Variants in INSC observed in about 807,000 individuals in gnomAD.
INSC encodes the protein protein inscuteable homolog.
INSC carries 67 observed loss-of-function variants against 58.6 expected under a neutral mutation model. That is an observed-to-expected ratio of 1.14 (90% confidence interval 0.94 to 1.40). The LOEUF (loss-of-function observed/expected upper bound fraction) is 1.40, where lower values mean the gene tolerates loss of function less well. Ranked by LOEUF, INSC falls within the 40% of genes most tolerant of loss-of-function variation. INSC has a pLI of 0.00. For synonymous variants in INSC, 262 were observed against 276.1 expected (o/e 0.95, Z 0.51); for missense variants, 714 against 692.0 (o/e 1.03, Z -0.36).
At chr11:15,171,258 C>T (rs1471594598) in intron 2 of INSC, among the ~76,000 whole-genome samples, 1 of 152,124 alleles carries the variant, frequency 6.6e-6, no homozygotes, top group Non-Finnish European at 1.5e-5. Flanking sequence ...ACACAGGTTT[C>T]CTTTGAGCCA....
chr11:15,208,735 T>G lies in INSC; in HGVS notation c.819+7786T>G, dbSNP rs539839805. ...CTGCCAGGCAGTCCAGGTGCCTAAG[T>G]GCAGCAGTGGGTTTGCAGGAGCAGG... On this transcript the variant is annotated intron_variant, in intron 7 of 12. Transcript: ENST00000379556. 3.3e-5 allele frequency among the ~76,000 whole-genome samples: 5 copies of G among 152,304 alleles called. No homozygotes were observed. The East Asian group carries it at 9.7e-4, about 30-fold the overall frequency.
At chr11:15,132,326 C>A (rs1848143883) in intron 1 of INSC, among the ~76,000 whole-genome samples, 1 of 152,018 alleles carries the variant, frequency 6.6e-6, no homozygotes, top group Non-Finnish European at 1.5e-5. Context: ...TGCTCTGTTG[C>A]CCAAGCTGGG....
intron 1 of INSC, among the ~76,000 whole-genome samples, chr11:15,133,795 G>T (rs1220333016): frequency 6.6e-6 from 1 of 152,118 alleles, no homozygotes; most frequent in Non-Finnish European, 1.5e-5. Flanking sequence ...GGCCTCTCCA[G>T]ATTTCTTACA....
intron 10 of INSC, 69 bp downstream of exon 10, chr11:15,235,737 G>T: frequency 1.5e-6 from 2 of 1,297,234 alleles, no homozygotes; most frequent in South Asian, 1.2e-5. Context: ...CTTTGTGCTT[G>T]TGTGAATGCC....
rs529146553 is a variant in INSC at position 15,125,262 on chromosome 11, A to G, written c.-46+10259A>G. Among the ~76,000 whole-genome samples the G allele has an allele frequency of 7.2e-5, 11 of 152,292 alleles. No individual in the cohort carries two copies. In the South Asian group the frequency reaches 1.5e-3, roughly 20 times the overall value. On this transcript the variant is annotated intron_variant, in intron 1 of 12. Coordinates refer to ENST00000379556, the MANE Select transcript of INSC (RefSeq NM_001042536.3). Reference sequence around the variant, plus strand: ...TGCTTGAGAAAGAGCCTGCCGGTCCATGTGATTGGAGTTAAGTGAGGGATG... The same window carrying G: ...TGCTTGAGAAAGAGCCTGCCGGTCCGTGTGATTGGAGTTAAGTGAGGGATG...
chr11:15,261,052 A>G, the INSC span, among the ~76,000 whole-genome samples: 115,409 of 152,094 alleles, frequency 0.76, 43,916 homozygotes, highest in Middle Eastern at 0.84. Flanking sequence ...TTCTTGCATG[A>G]CTTTGTTAGT....
chr11:15,123,531 A>G (rs185480036), intron 1 of INSC, among the ~76,000 whole-genome samples: 1 of 152,288 alleles, frequency 6.6e-6, no homozygotes, highest in East Asian at 1.9e-4. Flanking sequence ...ATGATCATTC[A>G]TTTTGGGACA....
At chr11:15,221,748 C>T (rs965203516) in intron 8 of INSC, 100 bp downstream of exon 8, 1 of 1,041,142 alleles carries the variant, frequency 9.6e-7, no homozygotes. Flanking sequence ...ACTCATTGCA[C>T]CCCAAATATC....
the INSC span, among the ~76,000 whole-genome samples, chr11:15,268,451 A>T: frequency 6.6e-6 from 1 of 152,116 alleles, no homozygotes; most frequent in South Asian, 2.1e-4. Context: ...AATAGATATG[A>T]TTCTCGATCA....
intron 8 of INSC, among the ~76,000 whole-genome samples, chr11:15,224,820 G>T (rs1405888022): frequency 1.3e-5 from 2 of 152,196 alleles, no homozygotes; most frequent in African/African-American, 4.8e-5. Context: ...GATGGTAAAT[G>T]GGGGAATTTG....
At chr11:15,115,833 G>T (rs529661879) in intron 1 of INSC, among the ~76,000 whole-genome samples, 2 of 152,306 alleles carry the variant, frequency 1.3e-5, no homozygotes, top group African/African-American at 4.8e-5. Context: ...TGTGGACAAC[G>T]ACATGTATGC....
intron 7 of INSC, among the ~76,000 whole-genome samples, chr11:15,212,837 C>T (rs1194641764): frequency 2.0e-5 from 3 of 152,110 alleles, no homozygotes; most frequent in Admixed American, 2.0e-4. Flanking sequence ...CATATCTTGT[C>T]TGATTGCATT....
chr11:15,184,708 T>C (rs1455454073), intron 5 of INSC, among the ~76,000 whole-genome samples: 1 of 152,210 alleles, frequency 6.6e-6, no homozygotes, highest in African/African-American at 2.4e-5. Context: ...ATTTCTTAAA[T>C]AGAAATGAAG....
chr11:15,160,158 A>G (rs1376288145), intron 2 of INSC, among the ~76,000 whole-genome samples: 1 of 152,190 alleles, frequency 6.6e-6, no homozygotes, highest in African/African-American at 2.4e-5. Flanking sequence ...TATAGATCAG[A>G]GGAGAGACAG....
chr11:15,245,818 T>C (rs1340127796), intron 12 of INSC, 94 bp from the exon 13 acceptor site: 1 of 1,481,970 alleles, frequency 6.7e-7, no homozygotes, highest in African/African-American at 1.4e-5. Context: ...AATGCACCAC[T>C]TTCTGAAATG....
chr11:15,199,098 T>A (rs1428363070), intron 6 of INSC, among the ~76,000 whole-genome samples: 1 of 152,182 alleles, frequency 6.6e-6, no homozygotes, highest in East Asian at 1.9e-4. Flanking sequence ...CTTTTAAAAT[T>A]GTCTGCCTTC....
chr11:15,186,392 A>G (rs192061177), intron 5 of INSC, among the ~76,000 whole-genome samples: 1 of 152,300 alleles, frequency 6.6e-6, no homozygotes, highest in East Asian at 1.9e-4. Context: ...TATAGAGTGA[A>G]TGCAGCATCT....
downstream of INSC, among the ~76,000 whole-genome samples, chr11:15,248,225 G>T (rs1275529619): frequency 6.6e-6 from 1 of 152,146 alleles, no homozygotes; most frequent in Non-Finnish European, 1.5e-5. Context: ...AATTTTTACT[G>T]CTTCATCAAG....
intron 2 of INSC, among the ~76,000 whole-genome samples, chr11:15,162,575 T>C (rs998817939): frequency 7.9e-5 from 12 of 152,226 alleles, no homozygotes; most frequent in African/African-American, 2.9e-4. Flanking sequence ...TTTTTATTTA[T>C]TGTATTTATT....
Sources: allele counts gnomAD v4.1 joint callset (sites outside exome capture counted in the v4.1 genomes callset), GRCh38; gene constraint gnomAD v4.1.1; transcripts MANE v1.5; gene names NCBI Gene and HGNC (gene_info 2026-07-23, HGNC 2026-07-21).